LRRC39: variants seen among roughly 807,000 people sequenced by gnomAD.
The protein encoded by LRRC39 is leucine-rich repeat-containing protein 39.
Under a neutral mutation model 39.7 loss-of-function variants are expected in LRRC39, and 35 were observed. The ratio of observed to expected loss-of-function variants is 0.88; its 90% CI spans 0.67 to 1.17. LRRC39 has a LOEUF of 1.17. Among genes scored for constraint, LRRC39 ranks in the 50% most tolerant of loss-of-function variants. LRRC39 has a pLI of 0.00. For synonymous variants in LRRC39, 113 were observed against 134.1 expected (o/e 0.84, Z 1.09); for missense variants, 357 against 385.8 (o/e 0.93, Z 0.62).
At chr1:100,170,557 T>C (rs1429872637) in intron 2 of LRRC39, among the ~76,000 whole-genome samples, 5 of 152,218 alleles carry the variant, frequency 3.3e-5, no homozygotes, top group Non-Finnish European at 7.3e-5. Context: ...GAATTAGTGA[T>C]AATGATTGTA....
Position 100,158,483 on chromosome 1 carries a change from G to A in LRRC39, c.377-116C>T, listed in dbSNP as rs1273354604. 15 of 886,006 alleles carry A rather than the reference G, an allele frequency of 1.7e-5. No individual in the cohort carries two copies. The East Asian group carries it at 3.4e-4, about 20-fold the overall frequency. 54.9% of individuals were successfully genotyped at this position (886,006 alleles called of 1,614,324 possible). ...GACGGAGTCTTGCTCTGTCGCCCAG[G>A]CTGGAGTGCAGTGGCGCTATCTCGG... On this transcript the variant is annotated intron_variant, in intron 5 of 9. Coordinates refer to ENST00000370137, the MANE Select transcript of LRRC39 (RefSeq NM_144620.4).
rs774209517 is a variant in LRRC39, at chr1:100,152,421, T to A, written c.916A>T (p.Met306Leu). Reference sequence around the variant, plus strand: ...CGTGACTCTTGTATGTATGTGTGCATAAACTGAAGGCCAAATAATTCCCGT... The same window carrying A: ...CGTGACTCTTGTATGTATGTGTGCAAAAACTGAAGGCCAAATAATTCCCGT... ...EERELFGLQFMHTYIQESRRR... is the reference protein window; with the variant it reads ...EERELFGLQFLHTYIQESRRR... The change falls in exon 9 of 10, where the codon ATG becomes TTG. Residue 306 changes from methionine (M) to leucine (L), a missense_variant. Transcript: ENST00000370137. The A allele has an allele frequency of 1.2e-6, 2 of 1,614,058 alleles. No individual in the cohort carries two copies. Among genetic ancestry groups the A allele is most frequent in the Non-Finnish European group, 1.7e-6 (2 of 1,179,994 alleles).
chr1:100,176,419 ACT>A (rs1448162867), intron 1 of LRRC39, among the ~76,000 whole-genome samples: 2 of 152,250 alleles, frequency 1.3e-5, no homozygotes, highest in African/African-American at 2.4e-5. Context: ...CAAGAATGAA[ACT>A]CTGTCTCAAA....
At chr1:100,155,314 G>T in intron 7 of LRRC39, 111 bp from the exon 8 acceptor site, 1 of 979,222 alleles carries the variant, frequency 1.0e-6, no homozygotes, top group Non-Finnish European at 1.4e-6. Context: ...GTCCAGGATG[G>T]TCTCAAACTC....
chr1:100,153,921 A>C (rs1443173527), intron 8 of LRRC39, among the ~76,000 whole-genome samples: 2 of 152,090 alleles, frequency 1.3e-5, no homozygotes, highest in East Asian at 3.8e-4. Context: ...CCCGACTAAT[A>C]TATCTGCTAT....
chr1:100,158,501 T>G (rs988321184), intron 5 of LRRC39, 134 bp from the exon 6 acceptor site: 23 of 658,506 alleles, frequency 3.5e-5, no homozygotes, highest in Non-Finnish European at 4.4e-5. Flanking sequence ...GCAGTGGCGC[T>G]ATCTCGGCTC....
chr1:100,165,916 C>T (rs1343865451), intron 3 of LRRC39, among the ~76,000 whole-genome samples: 1 of 148,072 alleles, frequency 6.8e-6, no homozygotes, highest in Non-Finnish European at 1.5e-5. Flanking sequence ...CTCTTGTTGC[C>T]CAGGCTGGAG....
chr1:100,153,064 A>T (rs968364726), intron 8 of LRRC39, among the ~76,000 whole-genome samples: 4 of 152,200 alleles, frequency 2.6e-5, no homozygotes, highest in Non-Finnish European at 4.4e-5. Context: ...TTAACTTCTA[A>T]GAGCAATTTT....
At chr1:100,151,954 AAAAC>A (rs369396255) in intron 9 of LRRC39, among the ~76,000 whole-genome samples, 7,152 of 152,132 alleles carry the variant, frequency 0.047, 203 homozygotes, top group African/African-American at 0.066. Flanking sequence ...TCATCTCTTT[AAAAC>A]AAACAAACAA....
chr1:100,160,651 G>C, intron 3 of LRRC39, 80 bp from the exon 4 acceptor site: 1 of 1,158,916 alleles, frequency 8.6e-7, no homozygotes, highest in Non-Finnish European at 1.2e-6. Flanking sequence ...GAGAGAGAGA[G>C]TTTCACTCTT....
Position 100,149,025 on chromosome 1 carries a change from G to A in LRRC39, c.*17C>T. The A allele has an allele frequency of 1.9e-6, 3 of 1,555,998 alleles. No homozygotes were observed. The highest frequency in any genetic ancestry group is 2.6e-6 in the Non-Finnish European group (3 of 1,155,664). On this transcript the variant is annotated 3_prime_UTR_variant, in exon 10 of 10. Transcript: ENST00000370137. Reference sequence around the variant, plus strand: ...TTCACCAAAGTAATCCTCTTTAGAAGGGCATCTTGAATTATATTATCCATC... The same window carrying A: ...TTCACCAAAGTAATCCTCTTTAGAAAGGCATCTTGAATTATATTATCCATC...
chr1:100,153,950 C>T (rs1425766026), intron 8 of LRRC39, among the ~76,000 whole-genome samples: 3 of 151,952 alleles, frequency 2.0e-5, no homozygotes, highest in Non-Finnish European at 2.9e-5. Flanking sequence ...TAATTGTTTC[C>T]CTTTGTGCTT....
intron 3 of LRRC39, among the ~76,000 whole-genome samples, chr1:100,161,761 T>C (rs1340905985): frequency 6.6e-6 from 1 of 152,142 alleles, no homozygotes; most frequent in African/African-American, 2.4e-5. Context: ...ATCTTCCCAC[T>C]TCAGCCTCCT....
At chr1:100,161,669 CA>C (rs1658887082) in intron 3 of LRRC39, among the ~76,000 whole-genome samples, 1 of 152,068 alleles carries the variant, frequency 6.6e-6, no homozygotes, top group Non-Finnish European at 1.5e-5. Context: ...TTTTTTGAGA[CA>C]AAGTCTCGCT....
rs1658609423 is a variant in LRRC39, at chr1:100,158,327, G to A, written c.417C>T (p.Asn139=). Residue 139 remains asparagine, a synonymous_variant, in exon 6 of 10, where the codon AAC becomes AAT. Transcript: ENST00000370137. ...TRLQELILSY[N]KIKTVPKELS... Reference sequence around the variant, plus strand: ...GTTCCTTGGGGACAGTCTTGATTTTGTTGTAGCTGAGAATCAGTTCCTGAA... The same window carrying A: ...GTTCCTTGGGGACAGTCTTGATTTTATTGTAGCTGAGAATCAGTTCCTGAA... The A allele has an allele frequency of 6.2e-7, 1 of 1,613,900 alleles. No individual in the cohort carries two copies. The highest frequency in any genetic ancestry group is 1.3e-5 in the African/African-American group (1 of 75,032).
intron 3 of LRRC39, among the ~76,000 whole-genome samples, chr1:100,162,323 A>G (rs1658944011): frequency 1.3e-5 from 2 of 152,170 alleles, no homozygotes; most frequent in Non-Finnish European, 1.5e-5. Flanking sequence ...TATTGCAAAC[A>G]TAAGAATGAT....
In LRRC39 at chr1:100,148,687, G is replaced by A; in HGVS notation, c.*355C>T. 1 of 1,613,266 alleles carries A rather than the reference G, an allele frequency of 6.2e-7. No homozygotes were observed. The highest frequency in any genetic ancestry group is 8.5e-7 in the Non-Finnish European group (1 of 1,179,764). On this transcript the variant is annotated 3_prime_UTR_variant, in exon 10 of 10. Coordinates refer to ENST00000370137, the MANE Select transcript of LRRC39 (RefSeq NM_144620.4). ...CTTTGTAAATTGCTGATTGACCAAG[G>A]TCGAATCCAGTATTTGCAGCAGAAG...
chr1:100,167,731 A>T (rs1659339246), intron 3 of LRRC39, among the ~76,000 whole-genome samples: 1 of 151,424 alleles, frequency 6.6e-6, no homozygotes, highest in Non-Finnish European at 1.5e-5. Flanking sequence ...AGCTGAGATC[A>T]TGCCATTGCA....
Position 100,160,486 on chromosome 1 carries a change from T to C in LRRC39, c.199A>G (p.Ile67Val), listed in dbSNP as rs1420784912. 1.9e-6 allele frequency: 3 copies of C among 1,613,274 alleles called. No individual in the cohort carries two copies. Among genetic ancestry groups the C allele is most frequent in the Non-Finnish European group, 1.7e-6 (2 of 1,179,710 alleles). Residue 67 changes from isoleucine to valine, a missense_variant, in exon 4 of 10, where the codon ATA becomes GTA. Coordinates refer to ENST00000370137, the MANE Select transcript of LRRC39 (RefSeq NM_144620.4). ...TREDGRVILK[I>V]EKEEWKTLPS... Reference sequence around the variant, plus strand: ...CTTACCTTCCATTCCTCTTTTTCTATCTTCAAAATGACTCTTCCATCTTCC... The same window carrying C: ...CTTACCTTCCATTCCTCTTTTTCTACCTTCAAAATGACTCTTCCATCTTCC...
Sources: allele counts gnomAD v4.1 joint callset (sites outside exome capture counted in the v4.1 genomes callset), GRCh38; gene constraint gnomAD v4.1.1; transcripts MANE v1.5; gene names NCBI Gene and HGNC (gene_info 2026-07-23, HGNC 2026-07-21).